The following NBEA variants were observed in gnomAD, a reference collection of about 807,000 sequenced individuals.
NBEA encodes the protein lysosomal-trafficking regulator 2.
A neutral mutation model predicts 343.4 loss-of-function variants in NBEA; 44 were observed. The ratio of observed to expected loss-of-function variants is 0.13; its 90% confidence interval spans 0.10 to 0.16. The LOEUF is 0.16. Ranked by LOEUF, NBEA falls within the 10% of genes least tolerant of loss-of-function variation. NBEA has a pLI of 1.00. For missense variants in NBEA, 2,555 were observed against 3,631.3 expected (o/e 0.70, Z 7.62); for synonymous variants, 1,175 against 1,238.7 (o/e 0.95, Z 1.08).
At position 35,159,280 on chromosome 13, in the gene NBEA, A is replaced by T. The variant is rs1411771642; in HGVS notation, c.3109A>T (p.Ile1037Phe). 6.2e-7 allele frequency: 1 copy of T among 1,613,488 alleles called. No individual in the cohort carries two copies. Among genetic ancestry groups the T allele is most frequent in the Admixed American group, 1.7e-5 (1 of 59,934 alleles). ...CATGTCAACAAAAGTGTCAGATGATATTCTTGGAAATTCAGATAGACCAGG... is the reference window on the plus strand; with the variant it reads ...CATGTCAACAAAAGTGTCAGATGATTTTCTTGGAAATTCAGATAGACCAGG... Reference protein sequence around the residue: ...LLMSTKVSDDILGNSDRPGSG... With the variant: ...LLMSTKVSDDFLGNSDRPGSG... The change falls in exon 22 of 59, where the codon ATT (isoleucine) becomes TTT (phenylalanine). Residue 1037 changes from isoleucine to phenylalanine, a missense_variant. Coordinates refer to ENST00000379939, the MANE Select transcript of NBEA (RefSeq NM_001385012.1).
chr13:35,472,315 C>G, intron 40 of NBEA, 85 bp from the exon 41 acceptor site: 3 of 1,467,502 alleles, frequency 2.0e-6, no homozygotes, highest in Non-Finnish European at 1.8e-6. Flanking sequence ...GCATCCTTAC[C>G]AATAAAAACC....
chr13:35,343,342 G>A (rs537230148), intron 36 of NBEA, among the ~76,000 whole-genome samples: 1 of 152,066 alleles, frequency 6.6e-6, no homozygotes, highest in East Asian at 1.9e-4. Context: ...AAAATATCCA[G>A]GAGACAAAAA....
chr13:35,011,807 C>T (rs1432642543), intron 1 of NBEA, among the ~76,000 whole-genome samples: 1 of 152,154 alleles, frequency 6.6e-6, no homozygotes, highest in Non-Finnish European at 1.5e-5. Flanking sequence ...CTTAATTACT[C>T]ACAGGTGTGC....
intron 16 of NBEA, among the ~76,000 whole-genome samples, chr13:35,122,199 G>A (rs1374007562): frequency 6.6e-6 from 1 of 151,938 alleles, no homozygotes; most frequent in Non-Finnish European, 1.5e-5. Context: ...AGTAAAAACT[G>A]AACAATATAC....
intron 1 of NBEA, among the ~76,000 whole-genome samples, chr13:34,960,785 A>G (rs1357563600): frequency 6.6e-6 from 1 of 152,134 alleles, no homozygotes; most frequent in Non-Finnish European, 1.5e-5. Flanking sequence ...ACACTCTGAT[A>G]TTTGTACAAC....
chr13:35,488,165 A>G lies in NBEA; in HGVS notation c.6585+15629A>G, dbSNP rs544832061. Among the ~76,000 whole-genome samples, 35 of 152,052 alleles carry G rather than the reference A, an allele frequency of 2.3e-4. No homozygotes were observed. The East Asian group carries it at 3.5e-3, about 15-fold the overall frequency. On this transcript the variant is annotated intron_variant, in intron 41 of 58. Transcript: ENST00000379939. ...TTATACATCATTATTTTAAGAATCAATAGGCATAACAGTTCTTTCTAAAAA... is the reference window on the plus strand; with the variant it reads ...TTATACATCATTATTTTAAGAATCAGTAGGCATAACAGTTCTTTCTAAAAA...
intron 1 of NBEA, among the ~76,000 whole-genome samples, chr13:34,981,967 C>T (rs2152507498): frequency 6.6e-6 from 1 of 151,838 alleles, no homozygotes; most frequent in Admixed American, 6.6e-5. Context: ...CTCTCTCTCT[C>T]TCTCTGTCTC....
intron 38 of NBEA, among the ~76,000 whole-genome samples, chr13:35,355,251 A>G (rs982832630): frequency 6.7e-6 from 1 of 148,692 alleles, no homozygotes; most frequent in Non-Finnish European, 1.5e-5. Flanking sequence ...AGCATGATAT[A>G]TAGTCTTTCT....
At chr13:35,220,084 C>T (rs929337676) in intron 33 of NBEA, among the ~76,000 whole-genome samples, 4 of 152,108 alleles carry the variant, frequency 2.6e-5, no homozygotes, top group Non-Finnish European at 4.4e-5. Flanking sequence ...TCCTCCACAT[C>T]GCAGGAGTTA....
At chr13:34,966,811 C>T (rs1055008799) in intron 1 of NBEA, among the ~76,000 whole-genome samples, 2 of 151,842 alleles carry the variant, frequency 1.3e-5, no homozygotes, top group African/African-American at 4.8e-5. Context: ...ACTGCATGTT[C>T]ATTTAGCACA....
chr13:35,199,717 G>A (rs930781369), intron 31 of NBEA, among the ~76,000 whole-genome samples: 5 of 152,046 alleles, frequency 3.3e-5, no homozygotes, highest in Admixed American at 2.0e-4. Context: ...ATGGAGCATT[G>A]GTGAATTTCA....
intron 36 of NBEA, among the ~76,000 whole-genome samples, chr13:35,347,359 C>T (rs1235970110): frequency 6.6e-6 from 1 of 151,730 alleles, no homozygotes; most frequent in Non-Finnish European, 1.5e-5. Context: ...AAAAGTAATG[C>T]TGTTATTGAA....
At chr13:35,604,074 G>T (rs2082178413) in intron 47 of NBEA, among the ~76,000 whole-genome samples, 1 of 152,098 alleles carries the variant, frequency 6.6e-6, no homozygotes, top group African/African-American at 2.4e-5. Context: ...AAACCAAACT[G>T]CTCCTTCCGT....
At chr13:35,385,956 C>A (rs2042224055) in intron 38 of NBEA, among the ~76,000 whole-genome samples, 1 of 151,922 alleles carries the variant, frequency 6.6e-6, no homozygotes, top group Admixed American at 6.6e-5. Context: ...TATATAATTT[C>A]CTAGAGAGAT....
At chr13:35,039,052 C>T (rs2062553326) in intron 1 of NBEA, among the ~76,000 whole-genome samples, 1 of 152,172 alleles carries the variant, frequency 6.6e-6, no homozygotes, top group African/African-American at 2.4e-5. Flanking sequence ...CTGCTGGTAT[C>T]AGTGATTCCC....
intron 36 of NBEA, among the ~76,000 whole-genome samples, chr13:35,325,009 T>C (rs1427140815): frequency 6.6e-6 from 1 of 152,158 alleles, no homozygotes; most frequent in Non-Finnish European, 1.5e-5. Flanking sequence ...AAAATCTGTC[T>C]TTGAAGTTTA....
intron 48 of NBEA, among the ~76,000 whole-genome samples, chr13:35,615,472 T>G (rs1762808393): frequency 6.6e-6 from 1 of 151,912 alleles, no homozygotes; most frequent in African/African-American, 2.4e-5. Context: ...CCCTTCCGAG[T>G]AGCTGGGATT....
intron 30 of NBEA, among the ~76,000 whole-genome samples, chr13:35,189,046 G>A (rs1187675322): frequency 6.6e-6 from 1 of 151,414 alleles, no homozygotes; most frequent in Non-Finnish European, 1.5e-5. Flanking sequence ...AGCTTCCTGA[G>A]TAGCTTGGAT....
chr13:35,350,725 TTGATG>T (rs1478579739), intron 37 of NBEA, among the ~76,000 whole-genome samples: 1 of 137,544 alleles, frequency 7.3e-6, no homozygotes, highest in Non-Finnish European at 1.6e-5. Flanking sequence ...GTTAGAGCTA[TTGATG>T]TGTGTGTGTG....
Sources: gnomAD v4.1 joint callset for allele counts (sites outside exome capture counted in the v4.1 genomes callset) on GRCh38, gnomAD v4.1.1 for gene constraint, MANE v1.5 for transcripts, NCBI Gene and HGNC (gene_info 2026-07-23, HGNC 2026-07-21) for gene names.